Variants in DROSHA observed in about 807,000 individuals in gnomAD.
DROSHA encodes the protein ribonuclease 3.
In DROSHA, 56 loss-of-function variants were observed where a neutral mutation model predicts 181.9. The observed-to-expected ratio is 0.31, with a 90% CI of 0.25 to 0.38. The LOEUF is 0.38. Among genes scored for constraint, DROSHA ranks in the 10% least tolerant of loss-of-function variants. The pLI, the probability that DROSHA is intolerant of heterozygous loss-of-function variation, is 1.00. For missense variants in DROSHA, 1,218 were observed against 1,743.5 expected (o/e 0.70, Z 5.37); for synonymous variants, 524 against 591.2 (o/e 0.89, Z 1.65).
intron 16 of DROSHA, among the ~76,000 whole-genome samples, chr5:31,472,722 A>AT (rs1749870464): frequency 6.6e-6 from 1 of 152,182 alleles, no homozygotes; most frequent in Non-Finnish European, 1.5e-5. Flanking sequence ...TTATGGTCTA[A>AT]TTTTTTGGTG....
chr5:31,439,271 A>G (rs1370073248), intron 23 of DROSHA, among the ~76,000 whole-genome samples: 4 of 152,226 alleles, frequency 2.6e-5, no homozygotes, highest in African/African-American at 9.6e-5. Context: ...TCTTCAACAT[A>G]TGGTAAAATC....
chr5:31,455,403 AAAT>A (rs1321233654), intron 20 of DROSHA, among the ~76,000 whole-genome samples: 4 of 152,136 alleles, frequency 2.6e-5, no homozygotes, highest in Non-Finnish European at 5.9e-5. Flanking sequence ...TTAAAAATCA[AAAT>A]AATAGAAAAT....
intron 27 of DROSHA, among the ~76,000 whole-genome samples, chr5:31,428,199 T>C (rs546977984): frequency 1.5e-5 from 2 of 137,780 alleles, no homozygotes; most frequent in Non-Finnish European, 3.0e-5. Context: ...AGAAGACAAG[T>C]AGAAAACTGC....
intron 20 of DROSHA, among the ~76,000 whole-genome samples, chr5:31,456,557 T>A (rs1038830510): frequency 5.9e-5 from 9 of 151,806 alleles, no homozygotes; most frequent in Non-Finnish European, 1.2e-4. Context: ...TATAAAGTTG[T>A]CAGTATAAAG....
intron 12 of DROSHA, among the ~76,000 whole-genome samples, chr5:31,493,971 GTGTGTGTGTGTGTT>G (rs1752686593): frequency 9.8e-6 from 1 of 102,030 alleles, no homozygotes; most frequent in African/African-American, 2.7e-5. Flanking sequence ...GTGTGTGTGT[GTGTGTGTGTGTGTT>G]TGAGATGAAG....
Position 31,521,150 on chromosome 5 carries a change from T to A in DROSHA, c.920A>T (p.Tyr307Phe), listed in dbSNP as rs750683980. 1.9e-6 allele frequency: 3 copies of A among 1,613,722 alleles called. No homozygotes were observed. The East Asian group carries it at 6.7e-5, about 36-fold the overall frequency. The change falls in exon 6 of 36, where the codon TAC becomes TTC. Residue 307 changes from tyrosine to phenylalanine, a missense_variant. Coordinates refer to ENST00000344624, the MANE Select transcript of DROSHA (RefSeq NM_001382508.1). The part of the protein sequence containing the change: ...NRRSPSLERS[Y>F]KKEYKRSGRS... ...TCCAGATCTCTTATACTCTTTTTTG[T>A]AGGACCTTTCCAGAGATGGTGATCT...
Position 31,400,545 on chromosome 5 carries a change from A to C in DROSHA, c.*887T>G, listed in dbSNP as rs1372078225. On this transcript the variant is annotated 3_prime_UTR_variant, in exon 36 of 36. Transcript: ENST00000344624. ...TATTAATAAGAAACCAGTGATGTTT[A>C]GTTTGGAATAACTTTTTTTAAAATG... 1 of 152,368 alleles carries C rather than the reference A, an allele frequency of 6.6e-6. No homozygotes were observed. The highest frequency in any genetic ancestry group is 6.5e-5 in the Admixed American group (1 of 15,310). 9.4% of individuals were successfully genotyped at this position (152,368 alleles called of 1,614,324 possible). A position where few individuals can be genotyped will look rare whatever the true frequency, so the allele number is the denominator to read the frequency against.
At chr5:31,416,562 G>T (rs1174433848) in intron 30 of DROSHA, among the ~76,000 whole-genome samples, 1 of 152,184 alleles carries the variant, frequency 6.6e-6, no homozygotes. Flanking sequence ...GGTGGTCAGG[G>T]AAAGTTTCCC....
intron 24 of DROSHA, 109 bp from the exon 25 acceptor site, chr5:31,435,973 A>G: frequency 1.1e-6 from 1 of 898,838 alleles, no homozygotes; most frequent in Non-Finnish European, 1.7e-6. Flanking sequence ...AATGGATATC[A>G]GGTGAATCAA....
At chr5:31,479,870 G>A (rs952891773) in intron 16 of DROSHA, among the ~76,000 whole-genome samples, 1 of 151,748 alleles carries the variant, frequency 6.6e-6, no homozygotes, top group Admixed American at 6.6e-5. Flanking sequence ...GTGGAATTCT[G>A]GCTGTGTGTA....
chr5:31,449,916 A>G (rs1421389357), intron 21 of DROSHA, among the ~76,000 whole-genome samples: 1 of 152,226 alleles, frequency 6.6e-6, no homozygotes, highest in Non-Finnish European at 1.5e-5. Flanking sequence ...ATATCCAACA[A>G]AGGACTAATA....
chr5:31,408,736 GTATA>G (rs1561112694), intron 33 of DROSHA: 1 of 230,434 alleles, frequency 4.3e-6, no homozygotes, highest in Non-Finnish European at 8.6e-6. Context: ...ATATAAAAAT[GTATA>G]TAAAAACCAC....
intron 23 of DROSHA, among the ~76,000 whole-genome samples, chr5:31,440,561 A>G (rs1745453118): frequency 6.6e-6 from 1 of 152,242 alleles, no homozygotes; most frequent in Non-Finnish European, 1.5e-5. Flanking sequence ...TAGGTTGTGA[A>G]CAATGAATAA....
chr5:31,412,180 C>T (rs1033887588), intron 30 of DROSHA, among the ~76,000 whole-genome samples: 4 of 152,052 alleles, frequency 2.6e-5, no homozygotes, highest in Admixed American at 2.0e-4. Flanking sequence ...GGAGGACAGC[C>T]GGGAGCAAGG....
At chr5:31,507,457 T>C (rs1433952513) in intron 10 of DROSHA, among the ~76,000 whole-genome samples, 2 of 54,222 alleles carry the variant, frequency 3.7e-5, no homozygotes. Context: ...AAACTCTGTC[T>C]CAAAAAAAAA....
intron 35 of DROSHA, among the ~76,000 whole-genome samples, chr5:31,404,470 T>TGC (rs1740411465): frequency 6.6e-6 from 1 of 152,196 alleles, no homozygotes; most frequent in South Asian, 2.1e-4. Context: ...GCTGTTGGCC[T>TGC]GCTTGCCTTT....
At chr5:31,432,537 C>T (rs758129715) in intron 25 of DROSHA, among the ~76,000 whole-genome samples, 12 of 152,170 alleles carry the variant, frequency 7.9e-5, no homozygotes, top group Middle Eastern at 3.4e-3. Context: ...ATTTGGGGAC[C>T]CCTCTGCACT....
intron 27 of DROSHA, among the ~76,000 whole-genome samples, chr5:31,428,569 G>C (rs765709223): frequency 6.6e-6 from 1 of 152,082 alleles, no homozygotes; most frequent in Non-Finnish European, 1.5e-5. Context: ...CATATCTCTA[G>C]AAAAACAAAT....
chr5:31,485,579 C>A (rs181866814), intron 14 of DROSHA, among the ~76,000 whole-genome samples: 1 of 139,110 alleles, frequency 7.2e-6, no homozygotes, highest in African/African-American at 2.6e-5. Flanking sequence ...CGCCAGAAGT[C>A]ATAAACTTTT....
Sources: allele counts gnomAD v4.1 joint callset (sites outside exome capture counted in the v4.1 genomes callset), GRCh38; gene constraint gnomAD v4.1.1; transcripts MANE v1.5; gene names NCBI Gene and HGNC (gene_info 2026-07-23, HGNC 2026-07-21).